SLCO2A1: variants seen among roughly 807,000 people sequenced by gnomAD.
SLCO2A1 encodes the protein solute carrier organic anion transporter family member 2A1.
A neutral mutation model predicts 71.7 loss-of-function variants in SLCO2A1; 60 were observed. That is an observed-to-expected ratio of 0.84 (90% CI 0.68 to 1.04). SLCO2A1 has a LOEUF of 1.04. SLCO2A1 is among the 50% of genes least tolerant of loss of function. The probability of loss-of-function intolerance (pLI) is 0.00; values close to 1 mark genes in which losing one functional copy is unlikely to be tolerated. For missense variants in SLCO2A1, 745 were observed against 813.4 expected, an observed-to-expected ratio of 0.92 and a Z score of 1.02; for synonymous variants, 308 against 326.7, an observed-to-expected ratio of 0.94 and a Z score of 0.62.
At chr3:133,973,525 C>G (rs1162496925) in intron 3 of SLCO2A1, 138 bp downstream of exon 3, 6 of 908,056 alleles carry the variant, frequency 6.6e-6, no homozygotes, top group Non-Finnish European at 9.9e-6. Context: ...CTCCATAGCT[C>G]TACATACTTC....
chr3:134,020,632 G>A lies in SLCO2A1; in HGVS notation c.96+9075C>T, dbSNP rs149584039. Reference sequence around the variant, plus strand: ...TCTTTAAAACTTGCCCACTCCGTTTGAGTGGAAGCGTGGCCTGATCACCCA... The same window carrying A: ...TCTTTAAAACTTGCCCACTCCGTTTAAGTGGAAGCGTGGCCTGATCACCCA... On this transcript the variant is annotated intron_variant, in intron 1 of 13. Transcript: ENST00000310926. 3.6e-3 allele frequency among the ~76,000 whole-genome samples: 553 copies of A among 152,382 alleles called. 2 individuals carry two copies. The highest frequency in any genetic ancestry group is 0.012 in the African/African-American group (515 of 41,590).
At chr3:133,980,564 G>A (rs1363470425) in intron 1 of SLCO2A1, among the ~76,000 whole-genome samples, 1 of 152,216 alleles carries the variant, frequency 6.6e-6, no homozygotes, top group Non-Finnish European at 1.5e-5. Context: ...CGCCCCTCTG[G>A]GTGAGGTTTT....
intron 1 of SLCO2A1, among the ~76,000 whole-genome samples, chr3:134,001,719 C>G (rs1006406709): frequency 4.6e-5 from 7 of 152,106 alleles, no homozygotes; most frequent in African/African-American, 1.7e-4. Context: ...ATACCCAAAT[C>G]CCTTCTCAGA....
chr3:133,967,046 G>A (rs1374622897), intron 3 of SLCO2A1, among the ~76,000 whole-genome samples: 3 of 152,164 alleles, frequency 2.0e-5, no homozygotes, highest in Non-Finnish European at 4.4e-5. Flanking sequence ...CTCCCAAGGA[G>A]GCCATCCTCC....
At chr3:134,006,875 T>C (rs1188213700) in intron 1 of SLCO2A1, among the ~76,000 whole-genome samples, 1 of 152,244 alleles carries the variant, frequency 6.6e-6, no homozygotes, top group Non-Finnish European at 1.5e-5. Flanking sequence ...TGACTCTACT[T>C]TTAATTTGTT....
At chr3:133,972,474 G>A (rs570112442) in intron 3 of SLCO2A1, among the ~76,000 whole-genome samples, 1 of 152,066 alleles carries the variant, frequency 6.6e-6, no homozygotes, top group South Asian at 2.1e-4. Context: ...GAATGTTTTT[G>A]GCAGAAAATT....
chr3:134,020,173 G>A (rs117933202), intron 1 of SLCO2A1, among the ~76,000 whole-genome samples: 5,330 of 152,180 alleles, frequency 0.035, 221 homozygotes, highest in African/African-American at 0.083. Flanking sequence ...ACCCGCTCAT[G>A]TGCACCCCCT....
intron 9 of SLCO2A1, 141 bp downstream of exon 9, chr3:133,947,115 C>T (rs934702752): frequency 3.5e-5 from 23 of 660,166 alleles, no homozygotes; most frequent in Admixed American, 1.9e-4. Flanking sequence ...GCCTGGGTGA[C>T]GGAGCGAGAC....
chr3:134,009,138 G>T (rs1380695396), intron 1 of SLCO2A1, among the ~76,000 whole-genome samples: 2 of 152,190 alleles, frequency 1.3e-5, no homozygotes, highest in African/African-American at 4.8e-5. Flanking sequence ...TTAATGGATA[G>T]ATTTTTCTAA....
chr3:133,966,156 T>G (rs1487011389), intron 3 of SLCO2A1, among the ~76,000 whole-genome samples: 1 of 152,336 alleles, frequency 6.6e-6, no homozygotes, highest in Non-Finnish European at 1.5e-5. Context: ...CCTGTATCTA[T>G]CAATAAGTTT....
intron 2 of SLCO2A1, among the ~76,000 whole-genome samples, chr3:133,975,876 C>T (rs1559942436): frequency 1.3e-5 from 2 of 152,192 alleles, no homozygotes; most frequent in South Asian, 2.1e-4. Context: ...ACTGAGGCCC[C>T]GTATACCTTT....
At chr3:133,956,393 C>T (rs1933899086) in intron 3 of SLCO2A1, among the ~76,000 whole-genome samples, 1 of 152,178 alleles carries the variant, frequency 6.6e-6, no homozygotes, top group Admixed American at 6.5e-5. Flanking sequence ...CAGCCTGGCC[C>T]CACTGTTGTC....
intron 1 of SLCO2A1, among the ~76,000 whole-genome samples, chr3:134,015,553 G>C (rs917056057): frequency 1.3e-5 from 2 of 152,030 alleles, no homozygotes; most frequent in South Asian, 4.1e-4. Flanking sequence ...CAACAATAAT[G>C]TAATATATAT....
At position 133,993,562 on chromosome 3, in the gene SLCO2A1, G is replaced by GA. The variant is rs546496015; in HGVS notation, c.97-13945dup. Among the ~76,000 whole-genome samples the GA allele has an allele frequency of 6.0e-4, 90 of 149,762 alleles. 2 individuals are homozygous for GA. In the South Asian group the frequency reaches 0.011, roughly 19 times the overall value. ...GGTCAGCTGGAAGCCTGGTTTCCCAGAAAAAAAAACACTTGAAAACATAAT... is the reference window on the plus strand; with the variant it reads ...GGTCAGCTGGAAGCCTGGTTTCCCAGAAAAAAAAAACACTTGAAAACATAAT... On this transcript the variant is annotated intron_variant, in intron 1 of 13. Transcript: ENST00000310926.
At chr3:133,944,544 A>G (rs915382761) in intron 10 of SLCO2A1, among the ~76,000 whole-genome samples, 1 of 152,198 alleles carries the variant, frequency 6.6e-6, no homozygotes, top group Non-Finnish European at 1.5e-5. Context: ...TTTGAATAGA[A>G]GTGCCCCAGA....
At position 134,014,462 on chromosome 3, in the gene SLCO2A1, AT is replaced by A. The variant is rs1166802278; in HGVS notation, c.96+15244del. On this transcript the variant is annotated intron_variant, in intron 1 of 13. Coordinates refer to ENST00000310926, the MANE Select transcript of SLCO2A1 (RefSeq NM_005630.3). ...GGGTTTCATCTCCACCCCTGGGCAA[AT>A]TTAATCCATCCCAAACAGTAAGACA... 2.0e-5 allele frequency among the ~76,000 whole-genome samples: 3 copies of A among 152,136 alleles called. No homozygotes were observed. In the East Asian group the frequency reaches 5.8e-4, roughly 29 times the overall value.
intron 1 of SLCO2A1, among the ~76,000 whole-genome samples, chr3:134,022,572 T>C (rs994021187): frequency 6.6e-6 from 1 of 152,150 alleles, no homozygotes; most frequent in African/African-American, 2.4e-5. Flanking sequence ...AGGTTTTTCT[T>C]AAAGCACCAA....
chr3:133,936,886 T>C (rs988140417), intron 12 of SLCO2A1, among the ~76,000 whole-genome samples: 4 of 152,174 alleles, frequency 2.6e-5, no homozygotes, highest in African/African-American at 9.7e-5. Context: ...CACTTCCTTA[T>C]GTAGAAGCAA....
intron 3 of SLCO2A1, among the ~76,000 whole-genome samples, chr3:133,963,392 G>GT (rs1329987172): frequency 1.3e-5 from 2 of 152,198 alleles, no homozygotes; most frequent in Non-Finnish European, 1.5e-5. Context: ...GGAATAAATA[G>GT]TAAGAGGGCT....
Sources: gnomAD v4.1 joint callset for allele counts (sites outside exome capture counted in the v4.1 genomes callset) on GRCh38, gnomAD v4.1.1 for gene constraint, MANE v1.5 for transcripts, NCBI Gene and HGNC (gene_info 2026-07-23, HGNC 2026-07-21) for gene names.